Variants in LGSN observed in about 807,000 individuals in gnomAD.
LGSN encodes the protein lengsin.
In LGSN, 21 loss-of-function variants were observed where a neutral mutation model predicts 19.5. The observed-to-expected ratio is 1.07, with a 90% CI of 0.76 to 1.55. The LOEUF is 1.55. Among genes scored for constraint, LGSN ranks in the 40% most tolerant of loss-of-function variants. The probability of loss-of-function intolerance (pLI) is 0.00; values close to 1 mark genes in which losing one functional copy is unlikely to be tolerated. For missense variants in LGSN, 673 were observed against 608.5 expected (o/e 1.11, Z -1.12); for synonymous variants, 257 against 215.6 (o/e 1.19, Z -1.68).
intron 3 of LGSN, among the ~76,000 whole-genome samples, chr6:63,284,627 A>G (rs1767454608): frequency 6.6e-6 from 1 of 152,176 alleles, no homozygotes; most frequent in Non-Finnish European, 1.5e-5. Flanking sequence ...ACTTTTCCTT[A>G]TGATTGAAAG....
the LGSN span, among the ~76,000 whole-genome samples, chr6:63,490,023 T>G: frequency 6.6e-6 from 1 of 152,248 alleles, no homozygotes; most frequent in Admixed American, 6.5e-5. Context: ...ATTTTATTTT[T>G]AAAATATAGA....
the LGSN span, among the ~76,000 whole-genome samples, chr6:63,569,958 G>C: frequency 6.6e-6 from 1 of 152,198 alleles, no homozygotes; most frequent in Non-Finnish European, 1.5e-5. Context: ...AGAATCTGCA[G>C]CTTAAAAGTA....
chr6:63,293,794 G>GT (rs1187713374), intron 2 of LGSN: 1 of 456,486 alleles, frequency 2.2e-6, no homozygotes, highest in African/African-American at 2.0e-5. Context: ...GCAGAGCCAG[G>GT]TCCCATGATA....
the LGSN span, among the ~76,000 whole-genome samples, chr6:63,460,442 T>G: frequency 6.6e-6 from 1 of 152,236 alleles, no homozygotes; most frequent in South Asian, 2.1e-4. Flanking sequence ...TGTCTTGTAC[T>G]AAATTAATAC....
At chr6:63,368,085 T>C in the LGSN span, among the ~76,000 whole-genome samples, 1 of 142,940 alleles carries the variant, frequency 7.0e-6, no homozygotes, top group Admixed American at 6.9e-5. Context: ...GAACTTAAAG[T>C]ATAAAAAAAT....
At chr6:63,456,166 G>C in the LGSN span, among the ~76,000 whole-genome samples, 3 of 151,454 alleles carry the variant, frequency 2.0e-5, no homozygotes, top group Non-Finnish European at 4.4e-5. Context: ...GGAGGTAAAG[G>C]TTGCAGTGAG....
chr6:63,483,136 A>C, the LGSN span, among the ~76,000 whole-genome samples: 2 of 152,234 alleles, frequency 1.3e-5, 1 homozygote, highest in South Asian at 4.1e-4. Flanking sequence ...AGAATAGGCA[A>C]TTAAAAGTAG....
At chr6:63,542,988 C>T in the LGSN span, among the ~76,000 whole-genome samples, 1 of 152,142 alleles carries the variant, frequency 6.6e-6, no homozygotes, top group African/African-American at 2.4e-5. Context: ...TTGCAAACTA[C>T]AAATTTAGAA....
the LGSN span, among the ~76,000 whole-genome samples, chr6:63,381,258 T>C: frequency 6.6e-6 from 1 of 152,156 alleles, no homozygotes; most frequent in Non-Finnish European, 1.5e-5. Context: ...ATAAAACATA[T>C]GGATGTCAAT....
At chr6:63,510,494 A>G in the LGSN span, among the ~76,000 whole-genome samples, 1 of 142,976 alleles carries the variant, frequency 7.0e-6, no homozygotes, top group Non-Finnish European at 1.5e-5. Flanking sequence ...ACTTCAAGTC[A>G]TAACTCCTCA....
At chr6:63,498,524 T>C in the LGSN span, among the ~76,000 whole-genome samples, 1 of 152,094 alleles carries the variant, frequency 6.6e-6, no homozygotes, top group Admixed American at 6.5e-5. Flanking sequence ...CTGGGATCAG[T>C]CTTGTTCTCC....
the LGSN span, among the ~76,000 whole-genome samples, chr6:63,430,078 T>C: frequency 1.3e-5 from 2 of 152,252 alleles, no homozygotes; most frequent in African/African-American, 4.8e-5. Flanking sequence ...CTTTGCCTTA[T>C]GGCTTCTGGT....
the LGSN span, among the ~76,000 whole-genome samples, chr6:63,436,235 C>A: frequency 3.9e-5 from 6 of 152,196 alleles, no homozygotes; most frequent in African/African-American, 1.2e-4. Flanking sequence ...TGTCTCTCTA[C>A]TAAACTGTAA....
At position 63,296,307 on chromosome 6, in the gene LGSN, T is replaced by C. The variant is rs145145611; in HGVS notation, c.31-1262A>G. 9.7e-3 allele frequency among the ~76,000 whole-genome samples: 1,480 copies of C among 151,814 alleles called. 6 individuals carry two copies. The highest frequency in any genetic ancestry group is 0.019 in the Admixed American group (295 of 15,256). On this transcript the variant is annotated intron_variant, in intron 1 of 3. Transcript: ENST00000370657. ...TAATATGATACTTAATATATAATAATTAATTTTGTAAGTAATTTAGGATTT... is the reference window on the plus strand; with the variant it reads ...TAATATGATACTTAATATATAATAACTAATTTTGTAAGTAATTTAGGATTT...
At chr6:63,425,425 A>C in the LGSN span, among the ~76,000 whole-genome samples, 2 of 152,210 alleles carry the variant, frequency 1.3e-5, no homozygotes, top group African/African-American at 2.4e-5. Context: ...ATGCCATGGA[A>C]TACTACTCTG....
chr6:63,471,874 G>A, the LGSN span, among the ~76,000 whole-genome samples: 13 of 152,132 alleles, frequency 8.5e-5, no homozygotes, highest in East Asian at 7.7e-4. Context: ...GATTAGTGCC[G>A]TTACAATAAG....
the LGSN span, among the ~76,000 whole-genome samples, chr6:63,545,990 A>G: frequency 6.6e-6 from 1 of 152,244 alleles, no homozygotes; most frequent in African/African-American, 2.4e-5. Context: ...TTAAAAATAG[A>G]ACTATTATAT....
At chr6:63,420,635 C>T in the LGSN span, among the ~76,000 whole-genome samples, 1,215 of 152,284 alleles carry the variant, frequency 8.0e-3, 9 homozygotes, top group Non-Finnish European at 0.014. Flanking sequence ...GTAGCGCCTT[C>T]CTTTGCTGCA....
the LGSN span, among the ~76,000 whole-genome samples, chr6:63,348,916 T>C: frequency 6.6e-6 from 1 of 151,990 alleles, no homozygotes; most frequent in Admixed American, 6.6e-5. Flanking sequence ...TAAAACTACG[T>C]AGTAAAGGCT....
Sources: allele counts gnomAD v4.1 joint callset (sites outside exome capture counted in the v4.1 genomes callset), GRCh38; gene constraint gnomAD v4.1.1; transcripts MANE v1.5; gene names NCBI Gene and HGNC (gene_info 2026-07-23, HGNC 2026-07-21).